PRKG1: variants seen among roughly 807,000 people sequenced by gnomAD.
PRKG1 encodes the protein cGMP-dependent protein kinase 1.
Under a neutral mutation model 88.1 loss-of-function variants are expected in PRKG1, and 35 were observed. The observed-to-expected ratio is 0.40, with a 90% CI of 0.30 to 0.53. The LOEUF is 0.53. Ranked by LOEUF, PRKG1 falls within the 20% of genes least tolerant of loss-of-function variation. The probability of loss-of-function intolerance (pLI) is 0.59; values close to 1 mark genes in which losing one functional copy is unlikely to be tolerated. For synonymous variants in PRKG1, 303 were observed against 292.5 expected, an observed-to-expected ratio of 1.04 and a Z score of -0.37; for missense variants, 540 against 839.8, an observed-to-expected ratio of 0.64 and a Z score of 4.41.
intron 3 of PRKG1, among the ~76,000 whole-genome samples, chr10:51,639,940 T>C (rs189512949): frequency 6.6e-6 from 1 of 152,226 alleles, no homozygotes; most frequent in East Asian, 1.9e-4. Flanking sequence ...TGCATGACTA[T>C]CAGTCAGTGA....
chr10:51,589,398 TG>T (rs1179820367), intron 3 of PRKG1, among the ~76,000 whole-genome samples: 2 of 151,886 alleles, frequency 1.3e-5, no homozygotes, highest in African/African-American at 4.8e-5. Context: ...CTGAGGAGGG[TG>T]TATCACCTGA....
At chr10:51,436,688 G>A (rs973066974) in intron 2 of PRKG1, among the ~76,000 whole-genome samples, 15 of 152,064 alleles carry the variant, frequency 9.9e-5, no homozygotes, top group African/African-American at 3.4e-4. Flanking sequence ...ACATATTACC[G>A]TGAAGTCTCA....
At chr10:51,589,294 C>G (rs996827491) in intron 3 of PRKG1, among the ~76,000 whole-genome samples, 12 of 152,072 alleles carry the variant, frequency 7.9e-5, no homozygotes, top group Admixed American at 7.9e-4. Context: ...TTTGGATAAC[C>G]TGGGGAAAAT....
At chr10:51,730,073 G>T (rs941165460) in intron 3 of PRKG1, among the ~76,000 whole-genome samples, 1 of 152,118 alleles carries the variant, frequency 6.6e-6, no homozygotes, top group Non-Finnish European at 1.5e-5. Context: ...GCATTATATG[G>T]GTTTGGACAA....
chr10:52,035,319 G>A (rs2133217705), intron 5 of PRKG1, among the ~76,000 whole-genome samples: 1 of 152,226 alleles, frequency 6.6e-6, no homozygotes. Flanking sequence ...TGGTGTGTAG[G>A]GAAGGAAGGG....
intron 3 of PRKG1, among the ~76,000 whole-genome samples, chr10:51,548,070 A>G (rs559351001): frequency 2.0e-5 from 3 of 152,226 alleles, no homozygotes; most frequent in Non-Finnish European, 4.4e-5. Flanking sequence ...TGCCTAAATT[A>G]TGAAAGAACA....
chr10:51,119,473 A>T (rs907555941), intron 1 of PRKG1, among the ~76,000 whole-genome samples: 3 of 152,068 alleles, frequency 2.0e-5, no homozygotes, highest in African/African-American at 7.2e-5. Flanking sequence ...AGATGTGTAC[A>T]GTTAAATATG....
intron 2 of PRKG1, among the ~76,000 whole-genome samples, chr10:51,317,395 A>T (rs1841349283): frequency 6.6e-6 from 1 of 152,234 alleles, no homozygotes; most frequent in African/African-American, 2.4e-5. Context: ...TAAAATTAGT[A>T]ACCCCCAATT....
chr10:52,202,837 A>G (rs1839712335), intron 9 of PRKG1, among the ~76,000 whole-genome samples: 1 of 151,906 alleles, frequency 6.6e-6, no homozygotes, highest in African/African-American at 2.4e-5. Context: ...ATAGTCTCTG[A>G]GGTTTTTGTA....
chr10:51,946,960 T>C (rs565492262), intron 5 of PRKG1, among the ~76,000 whole-genome samples: 1 of 152,208 alleles, frequency 6.6e-6, no homozygotes, highest in African/African-American at 2.4e-5. Context: ...GATCTCCAGC[T>C]GCATGCTGGG....
chr10:51,734,136 T>C (rs1837199617), intron 3 of PRKG1, among the ~76,000 whole-genome samples: 1 of 152,166 alleles, frequency 6.6e-6, no homozygotes, highest in Admixed American at 6.5e-5. Flanking sequence ...TACCAATATT[T>C]TCCTTCAGTG....
intron 5 of PRKG1, among the ~76,000 whole-genome samples, chr10:51,949,475 A>T (rs1005066233): frequency 1.3e-5 from 2 of 150,852 alleles, no homozygotes; most frequent in Middle Eastern, 3.5e-3. Context: ...TATATATATA[A>T]ATAAAATTTG....
intron 4 of PRKG1, among the ~76,000 whole-genome samples, chr10:51,876,410 G>T (rs1841301437): frequency 6.6e-6 from 1 of 152,144 alleles, no homozygotes. Flanking sequence ...AAAAACCCTT[G>T]CTGTCATAGT....
At chr10:51,817,395 G>C (rs1178840185) in intron 4 of PRKG1, among the ~76,000 whole-genome samples, 1 of 129,332 alleles carries the variant, frequency 7.7e-6, no homozygotes, top group African/African-American at 2.7e-5. Flanking sequence ...TCCCCTCCCT[G>C]TGTCCATGTG....
intron 3 of PRKG1, among the ~76,000 whole-genome samples, chr10:51,694,718 A>T (rs894484601): frequency 6.6e-6 from 1 of 152,202 alleles, no homozygotes; most frequent in Non-Finnish European, 1.5e-5. Flanking sequence ...ATTTTAGTCT[A>T]CACATCCTAG....
intron 3 of PRKG1, among the ~76,000 whole-genome samples, chr10:51,690,595 T>C (rs977625504): frequency 6.6e-6 from 1 of 151,760 alleles, no homozygotes. Context: ...AATCAGAGAG[T>C]CAGAGGTTGG....
chr10:51,342,441 G>C (rs752362987), intron 2 of PRKG1, among the ~76,000 whole-genome samples: 2 of 152,054 alleles, frequency 1.3e-5, no homozygotes, highest in Non-Finnish European at 2.9e-5. Context: ...AAGAGACACA[G>C]AATTAAAACA....
At chr10:51,096,032 C>T (rs962606142) in intron 1 of PRKG1, among the ~76,000 whole-genome samples, 1 of 151,864 alleles carries the variant, frequency 6.6e-6, no homozygotes, top group African/African-American at 2.4e-5. Context: ...TTATATGCTC[C>T]CATCAAAGTT....
intron 9 of PRKG1, among the ~76,000 whole-genome samples, chr10:52,175,462 C>G (rs1305404575): frequency 6.6e-6 from 1 of 152,078 alleles, no homozygotes; most frequent in East Asian, 1.9e-4. Context: ...CATGGGGAGA[C>G]AGATGTCTCT....
Sources: allele counts gnomAD v4.1 joint callset (sites outside exome capture counted in the v4.1 genomes callset), GRCh38; gene constraint gnomAD v4.1.1; transcripts MANE v1.5; gene names NCBI Gene and HGNC (gene_info 2026-07-23, HGNC 2026-07-21).